The following ADAMTS12 variants were observed in gnomAD, a reference collection of about 807,000 sequenced individuals.
ADAMTS12 encodes A disintegrin and metalloproteinase with thrombospondin motifs 12.
A neutral mutation model predicts 167.8 loss-of-function variants in ADAMTS12; 118 were observed. That is an observed-to-expected ratio of 0.70 (90% CI 0.61 to 0.82). The LOEUF (loss-of-function observed/expected upper bound fraction) is 0.82, where lower values mean the gene tolerates loss of function less well. Among genes scored for constraint, ADAMTS12 ranks in the 40% least tolerant of loss-of-function variants. The probability of loss-of-function intolerance (pLI) is 0.00; values close to 1 mark genes in which losing one functional copy is unlikely to be tolerated. For missense variants in ADAMTS12, 1,916 were observed against 1,998.8 expected (o/e 0.96, Z 0.79); for synonymous variants, 704 against 716.9 (o/e 0.98, Z 0.29).
At chr5:33,889,185 A>G (rs1750755165) in intron 1 of ADAMTS12, among the ~76,000 whole-genome samples, 1 of 152,184 alleles carries the variant, frequency 6.6e-6, no homozygotes, top group African/African-American at 2.4e-5. Flanking sequence ...ATGATGGCTC[A>G]TTCCTGTAAT....
At chr5:33,779,566 C>A (rs1185710109) in intron 2 of ADAMTS12, among the ~76,000 whole-genome samples, 5 of 152,126 alleles carry the variant, frequency 3.3e-5, no homozygotes, top group Non-Finnish European at 7.3e-5. Flanking sequence ...AGGGAATCAA[C>A]CTAAGTGCCC....
chr5:33,779,544 A>G (rs1442013515), intron 2 of ADAMTS12, among the ~76,000 whole-genome samples: 1 of 152,170 alleles, frequency 6.6e-6, no homozygotes, highest in East Asian at 1.9e-4. Context: ...CATTATTCGC[A>G]ATAGCCATGA....
At chr5:33,540,382 A>G (rs983551577) in intron 22 of ADAMTS12, among the ~76,000 whole-genome samples, 2 of 152,278 alleles carry the variant, frequency 1.3e-5, no homozygotes, top group Non-Finnish European at 2.9e-5. Context: ...TGGGCAGGGC[A>G]TAGCTGAACA....
intron 3 of ADAMTS12, among the ~76,000 whole-genome samples, chr5:33,745,262 C>T (rs1744739123): frequency 6.6e-6 from 1 of 152,168 alleles, no homozygotes; most frequent in Non-Finnish European, 1.5e-5. Context: ...CAAGCCTCCT[C>T]CTGCCTCCAC....
At chr5:33,529,634 A>T (rs527306984) in intron 23 of ADAMTS12, among the ~76,000 whole-genome samples, 1 of 152,258 alleles carries the variant, frequency 6.6e-6, no homozygotes, top group African/African-American at 2.4e-5. Flanking sequence ...TCACCTTTAG[A>T]TCATAAAGGC....
intron 17 of ADAMTS12, among the ~76,000 whole-genome samples, chr5:33,594,724 C>T (rs373599341): frequency 6.6e-6 from 1 of 152,196 alleles, no homozygotes; most frequent in Non-Finnish European, 1.5e-5. Flanking sequence ...TGGGGTCCAG[C>T]TCCTACCTAG....
At chr5:33,771,838 CTT>C (rs1282325654) in intron 2 of ADAMTS12, among the ~76,000 whole-genome samples, 4 of 144,292 alleles carry the variant, frequency 2.8e-5, no homozygotes, top group Non-Finnish European at 1.5e-5. Flanking sequence ...TTCTTTCTTT[CTT>C]TTTTTTTTTT....
chr5:33,595,129 C>T (rs1747852113), intron 17 of ADAMTS12, among the ~76,000 whole-genome samples: 1 of 151,864 alleles, frequency 6.6e-6, no homozygotes, highest in Admixed American at 6.6e-5. Flanking sequence ...TCTTCTTCTC[C>T]TTCTTCCTCC....
chr5:33,777,716 T>C (rs994981778), intron 2 of ADAMTS12, among the ~76,000 whole-genome samples: 3 of 151,994 alleles, frequency 2.0e-5, no homozygotes, highest in African/African-American at 7.2e-5. Context: ...GCATCCAAAT[T>C]GTAAAGGAAG....
intron 23 of ADAMTS12, among the ~76,000 whole-genome samples, chr5:33,531,904 G>C (rs1482917647): frequency 6.6e-6 from 1 of 152,218 alleles, no homozygotes; most frequent in African/African-American, 2.4e-5. Flanking sequence ...TATATTGGCA[G>C]TCTGTGTTCC....
intron 23 of ADAMTS12, among the ~76,000 whole-genome samples, chr5:33,532,644 A>ATT (rs143363127): frequency 1.7e-4 from 25 of 151,450 alleles, no homozygotes; most frequent in African/African-American, 5.3e-4. Context: ...AATTTTGTTG[A>ATT]TTTTTTTTTC....
At chr5:33,766,235 A>T (rs942659173) in intron 2 of ADAMTS12, among the ~76,000 whole-genome samples, 19 of 152,328 alleles carry the variant, frequency 1.2e-4, no homozygotes, top group African/African-American at 4.6e-4. Context: ...CAAGGTTAGC[A>T]TCAAGTCTTA....
At chr5:33,574,796 A>C (rs934756906) in intron 19 of ADAMTS12, among the ~76,000 whole-genome samples, 3 of 152,154 alleles carry the variant, frequency 2.0e-5, no homozygotes, top group Non-Finnish European at 4.4e-5. Flanking sequence ...TGTAAATTAC[A>C]TACTTTATAA....
rs138481507 is a variant in ADAMTS12, at chr5:33,702,225, G to C, written c.635-18170C>G. Among the ~76,000 whole-genome samples, 313 of 152,252 alleles carry C rather than the reference G, an allele frequency of 2.1e-3. 2 individuals are homozygous for C. The highest frequency in any genetic ancestry group is 7.1e-3 in the African/African-American group (294 of 41,546). On this transcript the variant is annotated intron_variant, in intron 3 of 23. Transcript: ENST00000504830. Reference sequence around the variant, plus strand: ...AGAGAGGAAATTGACTAAATGATAAGGTAATTGATGTTAATAATTTATATA... The same window carrying C: ...AGAGAGGAAATTGACTAAATGATAACGTAATTGATGTTAATAATTTATATA...
intron 2 of ADAMTS12, among the ~76,000 whole-genome samples, chr5:33,789,766 CAG>C (rs1554042789): frequency 1.3e-5 from 2 of 152,186 alleles, no homozygotes; most frequent in Non-Finnish European, 2.9e-5. Flanking sequence ...TGAACAAACA[CAG>C]GGGAAAGTCC....
At chr5:33,718,302 C>T (rs567625312) in intron 3 of ADAMTS12, among the ~76,000 whole-genome samples, 8 of 152,278 alleles carry the variant, frequency 5.3e-5, no homozygotes, top group African/African-American at 1.4e-4. Flanking sequence ...AAAGCAGGGG[C>T]CCCAACCTCC....
At chr5:33,588,984 TC>T (rs1747506904) in intron 17 of ADAMTS12, among the ~76,000 whole-genome samples, 175 bp from the exon 18 acceptor site, 1 of 152,110 alleles carries the variant, frequency 6.6e-6, no homozygotes, top group African/African-American at 2.4e-5. Flanking sequence ...CAATCATAGC[TC>T]CGTAGCTCTG....
chr5:33,850,526 A>G (rs1229946153), intron 2 of ADAMTS12, among the ~76,000 whole-genome samples: 1 of 152,184 alleles, frequency 6.6e-6, no homozygotes, highest in Non-Finnish European at 1.5e-5. Flanking sequence ...AAAGCCCAAC[A>G]GGCTCTCGAC....
At chr5:33,890,861 G>GGAC (rs1750817083) in intron 1 of ADAMTS12, among the ~76,000 whole-genome samples, 1 of 152,080 alleles carries the variant, frequency 6.6e-6, no homozygotes, top group Non-Finnish European at 1.5e-5. Flanking sequence ...TGTACAGCAG[G>GGAC]GACAGCAACA....
Sources: gnomAD v4.1 joint callset for allele counts (sites outside exome capture counted in the v4.1 genomes callset) on GRCh38, gnomAD v4.1.1 for gene constraint, MANE v1.5 for transcripts, NCBI Gene and HGNC (gene_info 2026-07-23, HGNC 2026-07-21) for gene names.